Variants in RFX1 observed in about 807,000 individuals in gnomAD.
The protein encoded by RFX1 is MHC class II regulatory factor RFX1.
Under a neutral mutation model 119.6 loss-of-function variants are expected in RFX1, and 42 were observed. That is an observed-to-expected ratio of 0.35 (90% CI 0.27 to 0.45). The LOEUF is 0.45. Ranked by LOEUF, RFX1 falls within the 20% of genes least tolerant of loss-of-function variation. The probability of loss-of-function intolerance (pLI) is 1.00; values close to 1 mark genes in which losing one functional copy is unlikely to be tolerated. For missense variants in RFX1, 1,118 were observed against 1,368.1 expected (o/e 0.82, Z 2.88); for synonymous variants, 628 against 618.5 (o/e 1.02, Z -0.23).
Position 13,977,890 on chromosome 19 carries a change from G to A in RFX1, c.929+102C>T, listed in dbSNP as rs1974297746. On this transcript the variant is annotated intron_variant, in intron 8 of 20. Transcript: ENST00000254325. ...CTGTCACCTGAGGCCTTGAAGGCCG[G>A]ATGGCCTGCTGGGGGCTGGGACTGG... The A allele has an allele frequency of 4.5e-6, 4 of 893,296 alleles. 1 individual carries two copies. The highest frequency in any genetic ancestry group is 4.5e-4 in the Middle Eastern group (2 of 4,422). 55.3% of individuals were successfully genotyped at this position (893,296 alleles called of 1,614,324 possible).
At chr19:14,005,833 AC>A (rs1361731047) in intron 1 of RFX1, among the ~76,000 whole-genome samples, 2 of 140,370 alleles carry the variant, frequency 1.4e-5, no homozygotes, top group Non-Finnish European at 3.1e-5. Flanking sequence ...CGCGCTCCCG[AC>A]ATATAAAAGC....
intron 16 of RFX1, among the ~76,000 whole-genome samples, chr19:13,964,400 T>A (rs576737938): frequency 8.5e-4 from 129 of 151,700 alleles, no homozygotes; most frequent in East Asian, 2.5e-3. Flanking sequence ...TTTTTTTTTT[T>A]TAAAAACGAA....
rs8113080 is a variant in RFX1, at chr19:13,965,566, T to C, written c.2114-20A>G. On this transcript the variant is annotated intron_variant, in intron 15 of 20. Transcript: ENST00000254325. This position sits in a 1 kb window ranked among gnomAD's most constrained non-coding sequence, Gnocchi z 4.7. ...AGGCACCTGTGGGCGGTGGCGGGGG[T>C]CGGTCAGGGCAGGGCGGGTGTATGT... The C allele has an allele frequency of 9.8e-3, 15,705 of 1,610,018 alleles. 942 individuals carry two copies. In the African/African-American group the frequency reaches 0.15, roughly 15 times the overall value.
Position 13,994,893 on chromosome 19 carries a change from C to CATACATAT in RFX1, c.-52-999_-52-998insATATGTAT, listed in dbSNP as rs58399098. 1.9e-3 allele frequency among the ~76,000 whole-genome samples: 110 copies of CATACATAT among 59,172 alleles called. 2 individuals carry two copies. Among genetic ancestry groups the CATACATAT allele is most frequent in the African/African-American group, 5.5e-3 (96 of 17,516 alleles). 38.8% of individuals were successfully genotyped at this position (59,172 alleles called of 152,430 possible). A position where few individuals can be genotyped will look rare whatever the true frequency, so the allele number is the denominator to read the frequency against. ...GTATATGTATATTGAAATATACATA[C>CATACATAT]ATATATATATATATATATATATATA... On this transcript the variant is annotated intron_variant, in intron 1 of 20. Transcript: ENST00000254325.
Position 13,963,251 on chromosome 19 carries a change from G to A in RFX1, c.2595C>T (p.Thr865=). The A allele has an allele frequency of 6.2e-7, 1 of 1,611,440 alleles. No homozygotes were observed. Among genetic ancestry groups the A allele is most frequent in the Non-Finnish European group, 8.5e-7 (1 of 1,179,394 alleles). ...FYSSMVIRDL[T]LRSAASFGSF... is the part of the protein sequence containing the mutation. ...AACCGAAGCTGGCGGCGCTGCGCAG[G>A]GTCAGGTCCCGGATCACCATGGAGC... is the stretch of plus-strand genomic sequence containing the variant. Residue 865 remains threonine (T), a synonymous_variant, in exon 19 of 21, where the codon ACC becomes ACT. Transcript: ENST00000254325.
chr19:13,966,130 G>A lies in RFX1; in HGVS notation c.1961+291C>T, dbSNP rs568846684. On this transcript the variant is annotated intron_variant, in intron 14 of 20. Transcript: ENST00000254325. The surrounding 1 kb of genome is among the most constrained non-coding windows in gnomAD (Gnocchi z 6.3). ...CCCAGGGTCTGGTTGGCACAGGCCC[G>A]AGGGGTGGGACGGGATCCTATGCCC... 5.9e-5 allele frequency among the ~76,000 whole-genome samples: 9 copies of A among 152,212 alleles called. No individual in the cohort carries two copies. In the South Asian group the frequency reaches 1.7e-3, roughly 28 times the overall value.
chr19:13,994,106 T>G (rs1974905584), intron 1 of RFX1, among the ~76,000 whole-genome samples: 1 of 151,990 alleles, frequency 6.6e-6, no homozygotes, highest in African/African-American at 2.4e-5. Context: ...AGACCAGGGC[T>G]GGAGCCCCAC....
chr19:14,001,056 CA>C (rs201949884), intron 1 of RFX1, among the ~76,000 whole-genome samples: 26 of 151,482 alleles, frequency 1.7e-4, no homozygotes, highest in African/African-American at 6.3e-4. Context: ...TCTGCAAAAA[CA>C]AAAAAAACAA....
At chr19:13,981,376 A>C (rs1440174651) in intron 5 of RFX1, among the ~76,000 whole-genome samples, 1 of 152,222 alleles carries the variant, frequency 6.6e-6, no homozygotes, top group Non-Finnish European at 1.5e-5. Flanking sequence ...TGGGCAGATC[A>C]CCTGAGGTCA....
In RFX1 at chr19:13,962,323, A is replaced by C. The variant is rs1476810204; in HGVS notation, c.*372T>G. On this transcript the variant is annotated 3_prime_UTR_variant, in exon 21 of 21. Coordinates refer to ENST00000254325, the MANE Select transcript of RFX1 (RefSeq NM_002918.5). Reference sequence around the variant, plus strand: ...CTGTGCAAAGCCAGCGAGCTGAATAAGTTAACAGTTTCGCACGGGAGGGGG... The same window carrying C: ...CTGTGCAAAGCCAGCGAGCTGAATACGTTAACAGTTTCGCACGGGAGGGGG... 2 of 255,942 alleles carry C rather than the reference A, an allele frequency of 7.8e-6. No homozygotes were observed. The highest frequency in any genetic ancestry group is 1.1e-4 in the East Asian group (1 of 9,024). 15.9% of individuals were successfully genotyped at this position (255,942 alleles called of 1,614,324 possible). A position where few individuals can be genotyped will look rare whatever the true frequency, so the allele number is the denominator to read the frequency against.
At position 13,963,141 on chromosome 19, in the gene RFX1, G is replaced by A; in HGVS notation, c.2705C>T (p.Pro902Leu). Reference protein sequence around the residue: ...HRVAQAKGETPIAVMGEFANL... With the variant: ...HRVAQAKGETLIAVMGEFANL... ...GCGCACCTCGCCCATGACGGCGATG[G>A]GGGTCTCGCCCTTGGCCTGGGCTAC... Residue 902 changes from proline (P) to leucine (L), a missense_variant, in exon 19 of 21, where the codon CCC (proline) becomes CTC (leucine). Physicochemically the swap from Pro to Leu is moderately conservative, Grantham distance 98. Transcript: ENST00000254325. The A allele has an allele frequency of 6.2e-7, 1 of 1,611,780 alleles. No individual in the cohort carries two copies. Among genetic ancestry groups the A allele is most frequent in the Non-Finnish European group, 8.5e-7 (1 of 1,178,848 alleles).
At position 13,986,316 on chromosome 19, in the gene RFX1, C is replaced by G. The variant is rs113503280; in HGVS notation, c.320-2721G>C. Reference sequence around the variant, plus strand: ...AGGAGGCCTGGGGACCTGCTGAGACCAGGTGGCTGTCTCCAGGAAGCAGCC... The same window carrying G: ...AGGAGGCCTGGGGACCTGCTGAGACGAGGTGGCTGTCTCCAGGAAGCAGCC... On this transcript the variant is annotated intron_variant, in intron 2 of 20. Transcript: ENST00000254325. This position sits in a 1 kb window ranked among gnomAD's most constrained non-coding sequence, Gnocchi z 4.2. 0.02 allele frequency among the ~76,000 whole-genome samples: 3,081 copies of G among 152,302 alleles called. 103 individuals are homozygous for G. Among genetic ancestry groups the G allele is most frequent in the African/African-American group, 0.071 (2,940 of 41,570 alleles).
intron 18 of RFX1, 97 bp from the exon 19 acceptor site, chr19:13,963,372 A>G: frequency 6.8e-7 from 1 of 1,473,714 alleles, no homozygotes; most frequent in Non-Finnish European, 9.1e-7. Flanking sequence ...GCGCCAGCCC[A>G]GTGACTCAGG....
chr19:13,962,674 T>C lies in RFX1; in HGVS notation c.*21A>G. On this transcript the variant is annotated 3_prime_UTR_variant, in exon 21 of 21. Transcript: ENST00000254325. ...GGCGTGGAGGGGTGGCGGGGGCGGG[T>C]GGGGCGGGGAGGCCAAGGGCTTAGC... 2.8e-6 allele frequency: 1 copy of C among 355,496 alleles called. No individual in the cohort carries two copies. The highest frequency in any genetic ancestry group is 3.7e-4 in the Admixed American group (1 of 2,672). 22.0% of individuals were successfully genotyped at this position (355,496 alleles called of 1,614,324 possible). A position where few individuals can be genotyped will look rare whatever the true frequency, so the allele number is the denominator to read the frequency against.
intron 7 of RFX1, among the ~76,000 whole-genome samples, chr19:13,978,515 T>C (rs1437579899): frequency 6.6e-6 from 1 of 152,052 alleles, no homozygotes; most frequent in Non-Finnish European, 1.5e-5. Context: ...CTGGAATCAC[T>C]GACAGGGCCT....
rs1468481128 is a variant in RFX1 at position 13,969,721 on chromosome 19, T to C, written c.1496+273A>G. The C allele has an allele frequency of 1.6e-5, 6 of 369,262 alleles. No homozygotes were observed. The highest frequency in any genetic ancestry group is 2.9e-5 in the Non-Finnish European group (6 of 207,038). The allele number at this position is 369,262 out of a possible 1,614,324, so 22.9% of individuals were successfully genotyped here. A position where few individuals can be genotyped will look rare whatever the true frequency, so the allele number is the denominator to read the frequency against. On this transcript the variant is annotated intron_variant, in intron 10 of 20. Transcript: ENST00000254325. This position sits in a 1 kb window ranked among gnomAD's most constrained non-coding sequence, Gnocchi z 4.5. ...TGCTAAAGAGAAAAATAAAGCAGGG[T>C]TGGGGGGTGTCGGGCAGGGGAGAGG...
chr19:13,963,802 G>A, intron 17 of RFX1, 56 bp from the exon 18 acceptor site: 3 of 1,496,074 alleles, frequency 2.0e-6, no homozygotes, highest in Non-Finnish European at 2.7e-6. Flanking sequence ...ACCCCCGCCT[G>A]GCCCGCCCCG....
At position 13,993,535 on chromosome 19, in the gene RFX1, G is replaced by A. The variant is rs200665938; in HGVS notation, c.309C>T (p.Val103=). The part of the protein sequence containing the change: ...PSPAPQQYIV[V]TVSEGAMRAS... The stretch of plus-strand genomic sequence containing the variant: ...GAGCGCGGCACTTACCAGAGACAGT[G>A]ACCACGATGTACTGCTGGGGTGCAG... Residue 103 remains valine, a synonymous_variant, in exon 2 of 21, where the codon GTC becomes GTT. Coordinates refer to ENST00000254325, the MANE Select transcript of RFX1 (RefSeq NM_002918.5). The A allele has an allele frequency of 6.2e-7, 1 of 1,612,268 alleles. No individual in the cohort carries two copies. Among genetic ancestry groups the A allele is most frequent in the Non-Finnish European group, 8.5e-7 (1 of 1,179,306 alleles).
At chr19:13,971,748 G>A (rs150766368) in intron 9 of RFX1, among the ~76,000 whole-genome samples, 3,279 of 152,126 alleles carry the variant, frequency 0.022, 122 homozygotes, top group African/African-American at 0.075. Context: ...GGTGGCTCAC[G>A]TCTGTAATCC....
Sources: gnomAD v4.1 joint callset for allele counts (sites outside exome capture counted in the v4.1 genomes callset) on GRCh38, gnomAD v4.1.1 for gene constraint, Gnocchi (gnomAD v3.1) non-coding constraint, MANE v1.5 for transcripts, NCBI Gene and HGNC (gene_info 2026-07-23, HGNC 2026-07-21) for gene names.